NRXN1: variants seen among roughly 807,000 people sequenced by gnomAD.
The protein encoded by NRXN1 is neurexin 1, also known as neurexin-1.
A neutral mutation model predicts 150.9 loss-of-function variants in NRXN1; 39 were observed. The observed-to-expected ratio is 0.26, with a 90% CI of 0.20 to 0.34. NRXN1 has a LOEUF of 0.34. Among genes scored for constraint, NRXN1 ranks in the 10% least tolerant of loss-of-function variants. NRXN1 has a pLI of 1.00. For synonymous variants in NRXN1, 924 were observed against 757.0 expected (o/e 1.22, Z -3.62); for missense variants, 1,815 against 1,949.9 (o/e 0.93, Z 1.30).
At chr2:49,932,838 A>T (rs967086374) in intron 22 of NRXN1, among the ~76,000 whole-genome samples, 1 of 152,134 alleles carries the variant, frequency 6.6e-6, no homozygotes, top group Non-Finnish European at 1.5e-5. Context: ...TCATAACACT[A>T]TGTGGTGTAG....
At chr2:50,414,040 G>T (rs928838733) in intron 17 of NRXN1, among the ~76,000 whole-genome samples, 15 of 111,424 alleles carry the variant, frequency 1.3e-4, no homozygotes, top group Non-Finnish European at 1.4e-4. Context: ...GGGAAGGGTA[G>T]TGGGGTGGGG....
chr2:50,349,529 T>G (rs1337548944), intron 17 of NRXN1, among the ~76,000 whole-genome samples: 1 of 152,230 alleles, frequency 6.6e-6, no homozygotes, highest in Admixed American at 6.5e-5. Context: ...GAAAGAGCAC[T>G]GGATTAGGAG....
At chr2:50,538,173 A>G in intron 10 of NRXN1, 80 bp downstream of exon 10, 4 of 1,479,120 alleles carry the variant, frequency 2.7e-6, no homozygotes, top group Non-Finnish European at 3.6e-6. Context: ...TTACGTTTCA[A>G]TGGTCAGTGC....
At chr2:50,531,174 A>AC in intron 11 of NRXN1, 53 bp downstream of exon 11, 1 of 1,476,466 alleles carries the variant, frequency 6.8e-7, no homozygotes, top group Non-Finnish European at 9.3e-7. Flanking sequence ...TTGCAGGCAA[A>AC]TTGAACAAAA....
chr2:50,592,362 G>A (rs1158809843), intron 8 of NRXN1, among the ~76,000 whole-genome samples: 4 of 152,178 alleles, frequency 2.6e-5, no homozygotes, highest in Non-Finnish European at 5.9e-5. Flanking sequence ...CATCAATCCA[G>A]CACATAAACT....
intron 5 of NRXN1, among the ~76,000 whole-genome samples, chr2:50,865,745 T>G (rs1008538725): frequency 6.8e-6 from 1 of 147,038 alleles, no homozygotes; most frequent in Non-Finnish European, 1.5e-5. Context: ...TTGATAGTTT[T>G]TTTTTGGTGG....
chr2:50,058,419 A>G (rs1290710625), intron 19 of NRXN1, among the ~76,000 whole-genome samples: 1 of 152,232 alleles, frequency 6.6e-6, no homozygotes. Context: ...AAACTGAAGA[A>G]CTTTTTAATT....
chr2:50,013,509 C>T lies in NRXN1; in HGVS notation c.4128+39762G>A, dbSNP rs115301132. On this transcript the variant is annotated intron_variant, in intron 21 of 22. Coordinates refer to ENST00000401669, the MANE Select transcript of NRXN1 (RefSeq NM_001330078.2). ...CGTGGTTTATTATGCTTTAGCACCA[C>T]ACGCTAATTGATGTAGTTGCAGGAA... is the stretch of plus-strand genomic sequence containing the variant. Among the ~76,000 whole-genome samples the T allele has an allele frequency of 9.2e-3, 1,404 of 152,202 alleles. 30 individuals carry two copies. The highest frequency in any genetic ancestry group is 0.031 in the African/African-American group (1,308 of 41,536).
intron 17 of NRXN1, among the ~76,000 whole-genome samples, chr2:50,317,036 T>A (rs2075666256): frequency 6.6e-6 from 1 of 151,986 alleles, no homozygotes; most frequent in Non-Finnish European, 1.5e-5. Context: ...TATTTTGGAG[T>A]TATATTTGCT....
chr2:50,049,756 T>A (rs1021346913), intron 21 of NRXN1, among the ~76,000 whole-genome samples: 51 of 152,074 alleles, frequency 3.4e-4, no homozygotes, highest in Non-Finnish European at 3.2e-4. Context: ...TCATAAGACA[T>A]TGCAAGTTTA....
chr2:50,166,350 T>C (rs1178602939), intron 18 of NRXN1, among the ~76,000 whole-genome samples: 4 of 148,254 alleles, frequency 2.7e-5, no homozygotes, highest in African/African-American at 1.0e-4. Flanking sequence ...TGTTCAAGAA[T>C]GGAAAAGCCA....
intron 5 of NRXN1, among the ~76,000 whole-genome samples, chr2:50,676,712 T>C (rs1324307474): frequency 6.6e-6 from 1 of 152,140 alleles, no homozygotes; most frequent in African/African-American, 2.4e-5. Context: ...TCAGAATATA[T>C]ATAAGCACTA....
At chr2:50,336,601 C>T (rs2077206108) in intron 17 of NRXN1, among the ~76,000 whole-genome samples, 1 of 152,200 alleles carries the variant, frequency 6.6e-6, no homozygotes, top group African/African-American at 2.4e-5. Flanking sequence ...CCACTGTTCC[C>T]TTTTAATTGT....
intron 21 of NRXN1, chr2:49,970,703 C>T (rs1677795616): frequency 6.6e-6 from 1 of 152,078 alleles, no homozygotes; most frequent in African/African-American, 2.4e-5. Context: ...ATTTTAAAAA[C>T]TTAAATGCTA....
At chr2:50,983,758 C>G (rs1161160845) in intron 2 of NRXN1, among the ~76,000 whole-genome samples, 1 of 151,928 alleles carries the variant, frequency 6.6e-6, no homozygotes, top group African/African-American at 2.4e-5. Context: ...CCCTAATCTG[C>G]CAGGATGGAT....
intron 18 of NRXN1, among the ~76,000 whole-genome samples, chr2:50,113,584 T>G (rs1038141377): frequency 2.6e-5 from 4 of 152,234 alleles, no homozygotes; most frequent in Non-Finnish European, 5.9e-5. Flanking sequence ...CATAATCTAA[T>G]GACCAACGCT....
intron 17 of NRXN1, among the ~76,000 whole-genome samples, chr2:50,351,379 C>A (rs1263264422): frequency 6.6e-6 from 1 of 152,072 alleles, no homozygotes; most frequent in Non-Finnish European, 1.5e-5. Context: ...TTCTAGAAGC[C>A]TTGTGCTACT....
intron 18 of NRXN1, chr2:50,185,408 G>A (rs1281983202): frequency 6.6e-6 from 1 of 151,998 alleles, no homozygotes; most frequent in African/African-American, 2.4e-5. Flanking sequence ...GGTGAACAGA[G>A]AAAATATGAT....
At chr2:50,987,231 T>G (rs1260342985) in intron 2 of NRXN1, among the ~76,000 whole-genome samples, 1 of 151,892 alleles carries the variant, frequency 6.6e-6, no homozygotes, top group African/African-American at 2.4e-5. Flanking sequence ...CTATCCAATT[T>G]TAAAGATTTT....
Sources: allele counts gnomAD v4.1 joint callset (sites outside exome capture counted in the v4.1 genomes callset), GRCh38; gene constraint gnomAD v4.1.1; transcripts MANE v1.5; gene names NCBI Gene and HGNC (gene_info 2026-07-23, HGNC 2026-07-21).